Variants in CSMD3 observed in about 807,000 individuals in gnomAD.
CSMD3 encodes the protein CUB and Sushi multiple domains 3.
A neutral mutation model predicts 435.2 loss-of-function variants in CSMD3; 177 were observed. The observed-to-expected ratio is 0.41, with a 90% CI of 0.36 to 0.46. The LOEUF is 0.46. Among genes scored for constraint, CSMD3 ranks in the 20% least tolerant of loss-of-function variants. CSMD3 has a pLI of 0.34. For synonymous variants in CSMD3, 1,656 were observed against 1,520.5 expected (o/e 1.09, Z -2.07); for missense variants, 4,265 against 4,504.6 (o/e 0.95, Z 1.52).
At chr8:112,831,172 AATACAGCATGTGT>A (rs1487954437) in intron 11 of CSMD3, among the ~76,000 whole-genome samples, 1 of 152,200 alleles carries the variant, frequency 6.6e-6, no homozygotes, top group Non-Finnish European at 1.5e-5. Context: ...GCCAAGTTTA[AATACAGCATGTGT>A]ATAAAGACTT....
intron 2 of CSMD3, among the ~76,000 whole-genome samples, chr8:113,286,770 GTTAT>G (rs934154263): frequency 8.6e-5 from 13 of 151,838 alleles, no homozygotes; most frequent in Non-Finnish European, 1.5e-4. Context: ...ATATTAAAAT[GTTAT>G]TTAAAGAATG....
chr8:112,979,912 C>T (rs577171602), intron 6 of CSMD3, among the ~76,000 whole-genome samples: 1 of 150,916 alleles, frequency 6.6e-6, no homozygotes, highest in Non-Finnish European at 1.5e-5. Context: ...CCTAAACTAA[C>T]AAAAATGAAA....
chr8:113,278,822 G>A, intron 2 of CSMD3, 118 bp from the exon 3 acceptor site: 1 of 642,316 alleles, frequency 1.6e-6, no homozygotes, highest in Admixed American at 2.1e-5. Flanking sequence ...ATAATTTCCA[G>A]AAGGAATGCT....
At chr8:112,964,828 A>C (rs1393716550) in intron 7 of CSMD3, among the ~76,000 whole-genome samples, 1 of 152,024 alleles carries the variant, frequency 6.6e-6, no homozygotes, top group Non-Finnish European at 1.5e-5. Flanking sequence ...AAAAAGCAAT[A>C]GTCCATGCTT....
At position 112,896,806 on chromosome 8, in the gene CSMD3, A is replaced by G. The variant is rs143986698; in HGVS notation, c.1633+24821T>C. 2.3e-3 allele frequency among the ~76,000 whole-genome samples: 352 copies of G among 151,618 alleles called. 3 individuals are homozygous for G. In the Middle Eastern group the frequency reaches 0.027, roughly 12 times the overall value. On this transcript the variant is annotated intron_variant, in intron 10 of 70. Coordinates refer to ENST00000297405, the MANE Select transcript of CSMD3 (RefSeq NM_198123.2). ...TTTGAAAATGCAAATCTGAATATAT[A>G]TATCCATAGCCTCTATAAAAAACAA...
chr8:113,422,732 C>T (rs1213071642), intron 1 of CSMD3, among the ~76,000 whole-genome samples: 2 of 152,066 alleles, frequency 1.3e-5, no homozygotes, highest in Non-Finnish European at 2.9e-5. Context: ...GTGTGACCCA[C>T]AGAGTGTAAG....
At chr8:112,460,358 G>C (rs1817320170) in intron 32 of CSMD3, among the ~76,000 whole-genome samples, 1 of 151,880 alleles carries the variant, frequency 6.6e-6, no homozygotes, top group Non-Finnish European at 1.5e-5. Flanking sequence ...GAGATAGTAA[G>C]GAGAAGCAAA....
intron 12 of CSMD3, among the ~76,000 whole-genome samples, chr8:112,824,685 A>T (rs1046633215): frequency 1.3e-5 from 2 of 152,102 alleles, no homozygotes; most frequent in African/African-American, 2.4e-5. Context: ...TGTTAGTCTG[A>T]TGGGCTTCCC....
chr8:112,342,208 T>C (rs977284972), intron 41 of CSMD3, among the ~76,000 whole-genome samples: 1 of 152,142 alleles, frequency 6.6e-6, no homozygotes, highest in Non-Finnish European at 1.5e-5. Context: ...TTCAGTGTTT[T>C]GCTTATCAGA....
chr8:112,277,770 A>G (rs1202114955), intron 59 of CSMD3, among the ~76,000 whole-genome samples: 3 of 152,192 alleles, frequency 2.0e-5, no homozygotes, highest in Non-Finnish European at 4.4e-5. Context: ...GGCACATCTT[A>G]CATGGTGACA....
chr8:112,700,553 CTT>C (rs1488951724), intron 13 of CSMD3, among the ~76,000 whole-genome samples: 1 of 151,974 alleles, frequency 6.6e-6, no homozygotes, highest in African/African-American at 2.4e-5. Context: ...AAATTCCCCT[CTT>C]TTTTATTATT....
intron 4 of CSMD3, among the ~76,000 whole-genome samples, chr8:113,104,623 A>G (rs1394185541): frequency 2.6e-5 from 4 of 152,100 alleles, no homozygotes; most frequent in African/African-American, 9.6e-5. Flanking sequence ...TATGTTTGTC[A>G]CGGTACAACA....
chr8:112,458,514 G>T (rs1040105733), intron 32 of CSMD3, among the ~76,000 whole-genome samples: 1 of 151,998 alleles, frequency 6.6e-6, no homozygotes, highest in African/African-American at 2.4e-5. Flanking sequence ...CTACTTCCTG[G>T]TATCCTTAAA....
chr8:112,596,576 C>A (rs1050056595), intron 22 of CSMD3, among the ~76,000 whole-genome samples: 1 of 152,022 alleles, frequency 6.6e-6, no homozygotes, highest in Non-Finnish European at 1.5e-5. Context: ...TTTTTCAGCA[C>A]CACACCACAC....
chr8:113,074,101 A>G (rs1163675628), intron 5 of CSMD3, among the ~76,000 whole-genome samples: 1 of 151,798 alleles, frequency 6.6e-6, no homozygotes, highest in Non-Finnish European at 1.5e-5. Context: ...ACTCTTTAAG[A>G]AATTATTTGT....
At chr8:112,833,551 T>C (rs1298267378) in intron 11 of CSMD3, among the ~76,000 whole-genome samples, 1 of 152,070 alleles carries the variant, frequency 6.6e-6, no homozygotes, top group Non-Finnish European at 1.5e-5. Context: ...ATATTTTAGG[T>C]TCTTCCTTTC....
chr8:113,403,464 A>G (rs1019047186), intron 1 of CSMD3, among the ~76,000 whole-genome samples: 4 of 151,360 alleles, frequency 2.6e-5, no homozygotes, highest in South Asian at 2.1e-4. Context: ...GAAATTTTGA[A>G]AAGGAAAATA....
chr8:113,201,896 C>A (rs1358469343), intron 3 of CSMD3, among the ~76,000 whole-genome samples: 2 of 151,798 alleles, frequency 1.3e-5, no homozygotes, highest in African/African-American at 2.4e-5. Context: ...AGTAGGATTG[C>A]TTTTATTTTA....
intron 27 of CSMD3, among the ~76,000 whole-genome samples, chr8:112,547,498 T>C (rs1827286140): frequency 6.6e-6 from 1 of 151,928 alleles, no homozygotes; most frequent in Non-Finnish European, 1.5e-5. Context: ...CAGTGAGCTG[T>C]GATTGTGCCA....
Sources: gnomAD v4.1 joint callset for allele counts (sites outside exome capture counted in the v4.1 genomes callset) on GRCh38, gnomAD v4.1.1 for gene constraint, MANE v1.5 for transcripts, NCBI Gene and HGNC (gene_info 2026-07-23, HGNC 2026-07-21) for gene names.